Variants in PTP4A1 observed in about 807,000 individuals in gnomAD.
PTP4A1 encodes protein tyrosine phosphatase 4A1.
Under a neutral mutation model 20.5 loss-of-function variants are expected in PTP4A1, and 9 were observed. The observed-to-expected ratio is 0.44, with a 90% CI of 0.26 to 0.77. The LOEUF is 0.77. Ranked by LOEUF, PTP4A1 falls within the 30% of genes least tolerant of loss-of-function variation. PTP4A1 has a pLI of 0.19. For synonymous variants in PTP4A1, 78 were observed against 67.4 expected (o/e 1.16, Z -0.77); for missense variants, 137 against 218.8 (o/e 0.63, Z 2.36).
exon 2 of PTP4A1, chr6:63,527,850 A>C (rs1287047351): frequency 6.6e-6 from 1 of 152,240 alleles, no homozygotes; most frequent in East Asian, 1.9e-4. Context: ...AGAACATGAA[A>C]GGGTGACTCA....
chr6:63,540,855 T>A lies in PTP4A1; in HGVS notation c.-639-9445T>A, dbSNP rs1358630514. Among the ~76,000 whole-genome samples the A allele has an allele frequency of 1.4e-3, 208 of 144,008 alleles. 2 individuals are homozygous for A. The highest frequency in any genetic ancestry group is 2.8e-3 in the Non-Finnish European group (183 of 65,698). 94.5% of individuals were successfully genotyped at this position (144,008 alleles called of 152,430 possible). A position where few individuals can be genotyped will look rare whatever the true frequency, so the allele number is the denominator to read the frequency against. On this transcript the variant is annotated intron_variant, in intron 2 of 3. Coordinates refer to the PTP4A1 transcript ENST00000639568. ...CTGCTGAAAATACAAAAAAAAAAAA[T>A]AGCCGGTCTTGGTGGCGGTCACCTA...
chr6:63,555,895 T>C (rs1776667422), intron 3 of PTP4A1, among the ~76,000 whole-genome samples: 1 of 152,084 alleles, frequency 6.6e-6, no homozygotes, highest in East Asian at 1.9e-4. Flanking sequence ...GGTTTCGCTA[T>C]GTTGGCCAGG....
rs368325264 is a variant in PTP4A1 at position 63,540,081 on chromosome 6, G to C, written c.-639-10219G>C. On this transcript the variant is annotated intron_variant, in intron 2 of 3. Coordinates refer to the PTP4A1 transcript ENST00000639568. ...CAATATAGCTATGCACCATGCCCCT[G>C]CACTTTAGCTCCTGGGTATCCATCC... Among the ~76,000 whole-genome samples the C allele has an allele frequency of 2.3e-4, 35 of 152,258 alleles. No individual in the cohort carries two copies. The East Asian group carries it at 4.8e-3, about 21-fold the overall frequency.
At chr6:63,579,160 G>A (rs1581951099) in intron 4 of PTP4A1, 97 bp from the exon 5 acceptor site, 1 of 1,384,810 alleles carries the variant, frequency 7.2e-7, no homozygotes, top group Non-Finnish European at 9.8e-7. Context: ...TAGGAAGGGT[G>A]GTAGATAATA....
At chr6:63,550,272 A>C (rs946105446) in intron 2 of PTP4A1, 13 of 152,186 alleles carry the variant, frequency 8.5e-5, no homozygotes, top group African/African-American at 3.1e-4. Flanking sequence ...AGATTATGTG[A>C]TTAATCAGAG....
At chr6:63,550,410 G>T (rs1410963730) in exon 3 of PTP4A1, 1 of 151,992 alleles carries the variant, frequency 6.6e-6, no homozygotes, top group Non-Finnish European at 1.5e-5. Flanking sequence ...TTCTTCAGAC[G>T]ACTCTACCTG....
intron 3 of PTP4A1, among the ~76,000 whole-genome samples, chr6:63,553,479 T>C (rs781295450): frequency 1.3e-5 from 2 of 152,190 alleles, no homozygotes; most frequent in Non-Finnish European, 2.9e-5. Flanking sequence ...AATAAGTTCT[T>C]CTTGGCCAAG....
intron 1 of PTP4A1, among the ~76,000 whole-genome samples, chr6:63,572,920 C>A (rs1777553842): frequency 6.6e-6 from 1 of 152,104 alleles, no homozygotes; most frequent in African/African-American, 2.4e-5. Context: ...AGATGCCGGG[C>A]CCCTCGGGGC....
chr6:63,525,820 T>A (rs531497498), intron 1 of PTP4A1, among the ~76,000 whole-genome samples: 76 of 152,356 alleles, frequency 5.0e-4, no homozygotes, highest in African/African-American at 1.8e-3. Flanking sequence ...GTGTAAATTA[T>A]CTCTTAAAAT....
At chr6:63,568,364 G>A (rs1777277034), upstream of PTP4A1, among the ~76,000 whole-genome samples, 1 of 152,186 alleles carries the variant, frequency 6.6e-6, no homozygotes. Context: ...GTATTGCTGT[G>A]TCTCACTGAG....
rs372582321 is a variant in PTP4A1 at position 63,572,962 on chromosome 6, G to A, written c.-446+243G>A. Among the ~76,000 whole-genome samples, 23 of 152,226 alleles carry A rather than the reference G, an allele frequency of 1.5e-4. 1 individual carries two copies. The South Asian group carries it at 3.7e-3, about 25-fold the overall frequency. ...GTGGCGGTTGGCCGCCGGAGGCACC[G>A]GCTTTTGAGTCCCTCCCGAGCCCGG... On this transcript the variant is annotated intron_variant, in intron 1 of 5. Transcript: ENST00000626021.
chr6:63,574,862 C>G (rs931785354), intron 1 of PTP4A1, among the ~76,000 whole-genome samples: 1 of 152,120 alleles, frequency 6.6e-6, no homozygotes, highest in Non-Finnish European at 1.5e-5. Flanking sequence ...AATCTGTATT[C>G]ACTGTAACTG....
At chr6:63,549,322 A>G in intron 2 of PTP4A1, 1 of 753,714 alleles carries the variant, frequency 1.3e-6, no homozygotes, top group Non-Finnish European at 2.4e-6. Flanking sequence ...TGCCGCTGCA[A>G]CCTGATATAG....
intron 2 of PTP4A1, chr6:63,548,721 G>A: frequency 3.1e-6 from 2 of 643,054 alleles, no homozygotes; most frequent in Non-Finnish European, 5.6e-6. Context: ...ACCCAGCTTA[G>A]TTGCAAGTTC....
chr6:63,581,265 C>T lies in PTP4A1; in HGVS notation c.*1091C>T, dbSNP rs1581952971. ...TGTAACTTAATATTTGGATACTTGA[C>T]AATTTGTTTTATTATGTAATTGATA... On this transcript the variant is annotated 3_prime_UTR_variant, in exon 6 of 6. Coordinates refer to ENST00000626021, the MANE Select transcript of PTP4A1 (RefSeq NM_003463.5). 2 of 152,202 alleles carry T rather than the reference C, an allele frequency of 1.3e-5. No homozygotes were observed. Among genetic ancestry groups the T allele is most frequent in the East Asian group, 3.9e-4 (2 of 5,186 alleles). 9.4% of individuals were successfully genotyped at this position (152,202 alleles called of 1,614,324 possible). A position where few individuals can be genotyped will look rare whatever the true frequency, so the allele number is the denominator to read the frequency against.
rs1366807266 is a variant in PTP4A1, at chr6:63,576,492, T to C, written c.-389T>C. The C allele has an allele frequency of 5.0e-6, 2 of 402,404 alleles. No individual in the cohort carries two copies. The highest frequency in any genetic ancestry group is 2.1e-5 in the African/African-American group (1 of 48,604). 24.9% of individuals were successfully genotyped at this position (402,404 alleles called of 1,614,324 possible). A position where few individuals can be genotyped will look rare whatever the true frequency, so the allele number is the denominator to read the frequency against. ...TGGAGTTTCTGAAGGGCAGTGGAGA[T>C]TACTGCCAGGCACAGCACGACCTCT... On this transcript the variant is annotated 5_prime_UTR_variant, in exon 2 of 6. Coordinates refer to ENST00000626021, the MANE Select transcript of PTP4A1 (RefSeq NM_003463.5).
At chr6:63,554,291 A>G (rs188668027) in intron 3 of PTP4A1, among the ~76,000 whole-genome samples, 25 of 152,352 alleles carry the variant, frequency 1.6e-4, no homozygotes, top group East Asian at 7.7e-4. Context: ...AAAGTATATG[A>G]AAAGCATTCT....
intron 3 of PTP4A1, among the ~76,000 whole-genome samples, chr6:63,551,920 A>G (rs2149490612): frequency 6.6e-6 from 1 of 152,096 alleles, no homozygotes; most frequent in South Asian, 2.1e-4. Flanking sequence ...TATGTGCCAC[A>G]TTTTCTTAAT....
At chr6:63,555,925 A>T (rs1019087145) in intron 3 of PTP4A1, among the ~76,000 whole-genome samples, 4 of 152,064 alleles carry the variant, frequency 2.6e-5, no homozygotes, top group Non-Finnish European at 4.4e-5. Context: ...TCCTGGCCTC[A>T]AGTGATCTGC....
Sources: gnomAD v4.1 joint callset for allele counts (sites outside exome capture counted in the v4.1 genomes callset) on GRCh38, gnomAD v4.1.1 for gene constraint, MANE v1.5 for transcripts, NCBI Gene and HGNC (gene_info 2026-07-23, HGNC 2026-07-21) for gene names.